The following MSH3 variants were observed in gnomAD, a reference collection of about 807,000 sequenced individuals.
The protein encoded by MSH3 is mutS homolog 3, also known as DNA mismatch repair protein Msh3.
MSH3 carries 106 observed loss-of-function variants against 123.3 expected under a neutral mutation model. The ratio of observed to expected loss-of-function variants is 0.86; its 90% CI spans 0.73 to 1.01. The LOEUF (loss-of-function observed/expected upper bound fraction) is 1.01, where lower values mean the gene tolerates loss of function less well. MSH3 is among the 50% of genes least tolerant of loss of function. The pLI, the probability that MSH3 is intolerant of heterozygous loss-of-function variation, is 0.00. For missense variants in MSH3, 1,459 were observed against 1,347.6 expected, an observed-to-expected ratio of 1.08 and a Z score of -1.29; for synonymous variants, 515 against 481.4, an observed-to-expected ratio of 1.07 and a Z score of -0.91.
chr5:80,679,421 C>T (rs910850802), intron 8 of MSH3, among the ~76,000 whole-genome samples: 1 of 152,086 alleles, frequency 6.6e-6, no homozygotes, highest in African/African-American at 2.4e-5. Context: ...TAATGTAGAA[C>T]TTTAGAAGGC....
intron 10 of MSH3, among the ~76,000 whole-genome samples, chr5:80,731,641 T>C (rs1743415253): frequency 6.6e-6 from 1 of 152,250 alleles, no homozygotes; most frequent in South Asian, 2.1e-4. Flanking sequence ...ATAAAGATAG[T>C]GATCAAACTG....
intron 8 of MSH3, among the ~76,000 whole-genome samples, chr5:80,691,924 T>TATAGATAAACATGTATATGTTTAG (rs1750271340): frequency 1.5e-5 from 2 of 130,728 alleles, no homozygotes; most frequent in South Asian, 2.4e-4. Context: ...TATATGTTTA[T>TATAGATAAACATGTATATGTTTAG]ATAGATAAAC....
intron 4 of MSH3, 105 bp downstream of exon 4, chr5:80,670,414 T>G: frequency 8.6e-7 from 1 of 1,156,826 alleles, no homozygotes; most frequent in Non-Finnish European, 1.3e-6. Context: ...GCTGATTTGA[T>G]CAATCACCTT....
intron 15 of MSH3, among the ~76,000 whole-genome samples, chr5:80,773,629 A>G (rs746584229): frequency 2.6e-5 from 4 of 152,244 alleles, no homozygotes; most frequent in Non-Finnish European, 4.4e-5. Flanking sequence ...AGGTACGTGC[A>G]TATAATAAAA....
At chr5:80,746,615 A>T (rs1218307415) in intron 12 of MSH3, 3 of 346,756 alleles carry the variant, frequency 8.7e-6, no homozygotes, top group Non-Finnish European at 1.7e-5. Context: ...CATCCTCGGG[A>T]GGAGGACGGC....
At chr5:80,860,997 C>T (rs1163652181) in intron 21 of MSH3, among the ~76,000 whole-genome samples, 1 of 152,130 alleles carries the variant, frequency 6.6e-6, no homozygotes, top group Non-Finnish European at 1.5e-5. Context: ...TGTTTTTGAT[C>T]TCTCGTTTCC....
chr5:80,723,468 C>T (rs1751131049), intron 8 of MSH3, among the ~76,000 whole-genome samples: 1 of 152,158 alleles, frequency 6.6e-6, no homozygotes, highest in Admixed American at 6.5e-5. Flanking sequence ...TTTATAACTT[C>T]ACACTATCCA....
At chr5:80,867,718 A>G (rs245370) in intron 22 of MSH3, among the ~76,000 whole-genome samples, 131,476 of 152,290 alleles carry the variant, frequency 0.86, 56,850 homozygotes, top group East Asian at 1. Context: ...TTGGCCATGT[A>G]TATGTTGTCT....
At position 80,722,977 on chromosome 5, in the gene MSH3, C is replaced by A. The variant is rs188184431; in HGVS notation, c.1341-2476C>A. Among the ~76,000 whole-genome samples, 7 of 152,018 alleles carry A rather than the reference C, an allele frequency of 4.6e-5. No homozygotes were observed. In the East Asian group the frequency reaches 1.4e-3, roughly 29 times the overall value. On this transcript the variant is annotated intron_variant, in intron 8 of 23. Transcript: ENST00000265081. ...AAAAAATTAGCTGGGCGTGGTAATG[C>A]CTATCTGTAGTCCTAGCTACTTGGG...
chr5:80,736,304 G>A (rs1292155664), intron 10 of MSH3, among the ~76,000 whole-genome samples: 1 of 145,524 alleles, frequency 6.9e-6, no homozygotes, highest in Admixed American at 7.1e-5. Context: ...GATACTAGAT[G>A]TGAAAGAACA....
intron 8 of MSH3, among the ~76,000 whole-genome samples, chr5:80,721,759 C>A (rs972988686): frequency 1.3e-5 from 2 of 152,026 alleles, no homozygotes; most frequent in East Asian, 1.9e-4. Context: ...CAAAAAACAA[C>A]AATTATTTCA....
chr5:80,826,221 G>C (rs539626933), intron 20 of MSH3, among the ~76,000 whole-genome samples: 2 of 152,324 alleles, frequency 1.3e-5, no homozygotes, highest in Admixed American at 6.5e-5. Flanking sequence ...AAAAGCTCAT[G>C]CTAAGCTTAA....
intron 20 of MSH3, among the ~76,000 whole-genome samples, chr5:80,850,613 T>G (rs1294415045): frequency 1.3e-5 from 2 of 152,106 alleles, no homozygotes; most frequent in Non-Finnish European, 2.9e-5. Context: ...ATGAGACTCA[T>G]TCACTATCAT....
At chr5:80,661,280 G>A (rs1677690) in intron 2 of MSH3, among the ~76,000 whole-genome samples, 41,059 of 151,900 alleles carry the variant, frequency 0.27, 5,742 homozygotes, top group Middle Eastern at 0.35. Context: ...AGTTTATTAC[G>A]GGGATGTTAA....
chr5:80,691,602 A>G (rs13163980), intron 8 of MSH3, among the ~76,000 whole-genome samples: 1 of 150,838 alleles, frequency 6.6e-6, no homozygotes, highest in East Asian at 1.9e-4. Flanking sequence ...GTGCAATTCT[A>G]ATCAAAAGGG....
At chr5:80,777,537 T>C (rs893388273) in intron 16 of MSH3, among the ~76,000 whole-genome samples, 16 of 152,150 alleles carry the variant, frequency 1.1e-4, no homozygotes, top group Admixed American at 1.0e-3. Context: ...GGCCTAGAAG[T>C]CTAGATGATA....
At chr5:80,852,254 G>A (rs1745842790) in intron 20 of MSH3, among the ~76,000 whole-genome samples, 1 of 152,182 alleles carries the variant, frequency 6.6e-6, no homozygotes, top group African/African-American at 2.4e-5. Flanking sequence ...GAGCCTGGGA[G>A]GTTGAGGCTG....
intron 16 of MSH3, among the ~76,000 whole-genome samples, chr5:80,778,419 G>A (rs1453924590): frequency 6.6e-6 from 1 of 151,896 alleles, no homozygotes; most frequent in Non-Finnish European, 1.5e-5. Flanking sequence ...CTTTTTTAAA[G>A]AGCATTTTCA....
At chr5:80,663,430 C>A (rs1390856456) in intron 2 of MSH3, among the ~76,000 whole-genome samples, 3 of 151,942 alleles carry the variant, frequency 2.0e-5, no homozygotes, top group Non-Finnish European at 4.4e-5. Context: ...GGCCTCTCTA[C>A]TCCATTTCAA....
Sources: allele counts gnomAD v4.1 joint callset (sites outside exome capture counted in the v4.1 genomes callset), GRCh38; gene constraint gnomAD v4.1.1; transcripts MANE v1.5; gene names NCBI Gene and HGNC (gene_info 2026-07-23, HGNC 2026-07-21).